The following SSTR5 variants were observed in gnomAD, a reference collection of about 807,000 sequenced individuals.
SSTR5 encodes the protein somatostatin receptor type 5.
SSTR5 carries 1 observed loss-of-function variant against 0.3 expected under a neutral mutation model. That is an observed-to-expected ratio of 2.98 (90% CI 1.06 to 14.15). The LOEUF (loss-of-function observed/expected upper bound fraction) is 14.15. Among genes scored for constraint, SSTR5 ranks in the 30% most tolerant of loss-of-function variants. The pLI, the probability that SSTR5 is intolerant of heterozygous loss-of-function variation, is 0.12. For synonymous variants in SSTR5, 256 were observed against 263.1 expected (o/e 0.97, Z 0.26); for missense variants, 516 against 543.2 (o/e 0.95, Z 0.50).
chr16:1,075,275 G>C (rs542842226), intron 1 of SSTR5, among the ~76,000 whole-genome samples: 3 of 152,322 alleles, frequency 2.0e-5, no homozygotes, highest in Admixed American at 2.0e-4. Flanking sequence ...GGACCTGGCA[G>C]CCTGTGGAGC....
Position 1,079,524 on chromosome 16 carries a change from T to C in SSTR5, c.656T>C (p.Leu219Pro). 6.2e-7 allele frequency: 1 copy of C among 1,612,162 alleles called. No homozygotes were observed. Among genetic ancestry groups the C allele is most frequent in the Non-Finnish European group, 8.5e-7 (1 of 1,179,512 alleles). ...TTCGCGCCGCTGCTGGTCATCTGCC[T>C]GTGCTACCTGCTCATCGTGGTGAAG... ...GFFAPLLVICLCYLLIVVKVR... is the reference protein window; with the variant it reads ...GFFAPLLVICPCYLLIVVKVR... The change falls in exon 2 of 2, where the codon CTG becomes CCG. Residue 219 changes from leucine (L) to proline (P), a missense_variant. Leu to Pro is a moderately conservative substitution (Grantham distance 98). Transcript: ENST00000689027.
rs1230818124 is a variant in SSTR5, at chr16:1,080,526, T to TGTAAGGGATGCAGGTGTAAG, written c.*565_*566insAAGGGATGCAGGTGTAAGGT. Reference sequence around the variant, plus strand: ...TCTGGGGATGCAGGTGTAAGGGGAGTGTGGCTGGGCAGCCCCTGGTCAGCC... The same window carrying TGTAAGGGATGCAGGTGTAAG: ...TCTGGGGATGCAGGTGTAAGGGGAGTGTAAGGGATGCAGGTGTAAGGTGGCTGGGCAGCCCCTGGTCAGCC... On this transcript the variant is annotated 3_prime_UTR_variant, in exon 2 of 2. Coordinates refer to ENST00000689027, the MANE Select transcript of SSTR5 (RefSeq NM_001172560.3). Among the ~76,000 whole-genome samples the TGTAAGGGATGCAGGTGTAAG allele has an allele frequency of 2.0e-5, 3 of 151,880 alleles. No individual in the cohort carries two copies.
chr16:1,079,620 T>C lies in SSTR5; in HGVS notation c.752T>C (p.Leu251Ser), dbSNP rs34474910. ...GAGCGGAAGGTGACGCGCATGGTGT[T>C]GGTGGTGGTGCTGGTGTTTGCGGGA... is the stretch of plus-strand genomic sequence containing the variant. ...RSERKVTRMV[L>S]VVVLVFAGCW... is the part of the protein sequence containing the mutation. Residue 251 changes from leucine to serine, a missense_variant, in exon 2 of 2, where the codon TTG (leucine) becomes TCG (serine). Coordinates refer to ENST00000689027, the MANE Select transcript of SSTR5 (RefSeq NM_001172560.3). 1.3e-3 allele frequency: 2,172 copies of C among 1,612,230 alleles called. 49 individuals are homozygous for C. In the East Asian group the frequency reaches 0.04, roughly 30 times the overall value.
chr16:1,075,356 C>T (rs776081951), intron 1 of SSTR5, among the ~76,000 whole-genome samples: 7 of 152,094 alleles, frequency 4.6e-5, no homozygotes, highest in Non-Finnish European at 8.8e-5. Flanking sequence ...TAAGAAGCTA[C>T]AAAGACAGGG....
chr16:1,079,255 C>T lies in SSTR5; in HGVS notation c.387C>T (p.Cys129=). 2 of 1,612,362 alleles carry T rather than the reference C, an allele frequency of 1.2e-6. No homozygotes were observed. The highest frequency in any genetic ancestry group is 2.2e-5 in the South Asian group (2 of 91,080). ...DGVNQFTSVF[C]LTVMSVDRYL... ...TCAACCAGTTCACCAGTGTCTTCTG[C>T]CTGACAGTCATGAGCGTGGACCGCT... The change falls in exon 2 of 2, where the codon TGC becomes TGT. Residue 129 remains cysteine (C), a synonymous_variant. Transcript: ENST00000689027.
rs1960374333 is a variant in SSTR5, at chr16:1,081,253, C to A, written c.*1290C>A. The A allele has an allele frequency of 2.5e-6, 1 of 398,112 alleles. No homozygotes were observed. The highest frequency in any genetic ancestry group is 7.5e-5 in the East Asian group (1 of 13,422). 24.7% of individuals were successfully genotyped at this position (398,112 alleles called of 1,614,324 possible). A position where few individuals can be genotyped will look rare whatever the true frequency, so the allele number is the denominator to read the frequency against. ...GGCCTCAGGGACCCCTCTGCCCTGC[C>A]CAGCACTGGCCCCGACCCGTGCTCC... is the stretch of plus-strand genomic sequence containing the variant. On this transcript the variant is annotated 3_prime_UTR_variant, in exon 2 of 2. Transcript: ENST00000689027.
At chr16:1,077,711 C>T (rs1960241952) in intron 1 of SSTR5, 2 of 152,264 alleles carry the variant, frequency 1.3e-5, no homozygotes, top group African/African-American at 4.8e-5. Flanking sequence ...AGGCTTGAGC[C>T]ACTGCACCCA....
chr16:1,075,054 C>T (rs1257753419), intron 1 of SSTR5, among the ~76,000 whole-genome samples: 2 of 152,168 alleles, frequency 1.3e-5, no homozygotes, highest in African/African-American at 4.8e-5. Context: ...CTGGCTCCCC[C>T]TCCAGTGAAT....
Position 1,080,754 on chromosome 16 carries a change from G to C in SSTR5, c.*791G>C, listed in dbSNP as rs767887428. On this transcript the variant is annotated 3_prime_UTR_variant, in exon 2 of 2. Coordinates refer to ENST00000689027, the MANE Select transcript of SSTR5 (RefSeq NM_001172560.3). ...GGCTGCAGCCCTCCAGGCTGCTGGG[G>C]GTGCAGATGGCTGTGCCGTGCTGAG... Among the ~76,000 whole-genome samples, 5 of 152,190 alleles carry C rather than the reference G, an allele frequency of 3.3e-5. No homozygotes were observed. The highest frequency in any genetic ancestry group is 4.8e-5 in the African/African-American group (2 of 41,432).
intron 1 of SSTR5, among the ~76,000 whole-genome samples, chr16:1,076,429 C>T (rs1057421396): frequency 3.4e-5 from 5 of 149,220 alleles, no homozygotes; most frequent in Non-Finnish European, 7.4e-5. Flanking sequence ...TGTGGGAATC[C>T]GTCCTGTCTC....
At chr16:1,075,964 C>A (rs1596235068) in intron 1 of SSTR5, among the ~76,000 whole-genome samples, 1 of 17,506 alleles carries the variant, frequency 5.7e-5, no homozygotes, top group Non-Finnish European at 1.1e-4. Flanking sequence ...CCCACCTCCC[C>A]CTCTCTCTCC....
At chr16:1,074,891 A>G (rs764236024) in intron 1 of SSTR5, among the ~76,000 whole-genome samples, 1 of 152,192 alleles carries the variant, frequency 6.6e-6, no homozygotes, top group Non-Finnish European at 1.5e-5. Flanking sequence ...GGAGTTGCCT[A>G]TCCCAGAAGC....
Position 1,078,875 on chromosome 16 carries a change from C to G in SSTR5, c.7C>G (p.Pro3Ala). 1 of 1,605,698 alleles carries G rather than the reference C, an allele frequency of 6.2e-7. No individual in the cohort carries two copies. Among genetic ancestry groups the G allele is most frequent in the Non-Finnish European group, 8.5e-7 (1 of 1,179,338 alleles). The change falls in exon 2 of 2, where the codon CCC becomes GCC. Residue 3 changes from proline to alanine, a missense_variant. Transcript: ENST00000689027. ME[P>A]LFPASTPSWN... ...GCACCCCAGGGCTGCCGCCATGGAG[C>G]CCCTGTTCCCAGCCTCCACGCCCAG...
Position 1,079,709 on chromosome 16 carries a change from G to A in SSTR5, c.841G>A (p.Ala281Thr), listed in dbSNP as rs753188838. ...NLAVALPQEP[A>T]SAGLYFFVVI... ...GGCCGTGGCGCTGCCCCAGGAGCCC[G>A]CCTCCGCCGGCCTCTACTTCTTCGT... The change falls in exon 2 of 2, where the codon GCC (alanine) becomes ACC (threonine). Residue 281 changes from alanine (A) to threonine (T), a missense_variant. By Grantham distance (58) the Ala-to-Thr change is moderately conservative (BLOSUM62 0). Coordinates refer to ENST00000689027, the MANE Select transcript of SSTR5 (RefSeq NM_001172560.3). 1.7e-5 allele frequency: 27 copies of A among 1,611,728 alleles called. No individual in the cohort carries two copies. The highest frequency in any genetic ancestry group is 3.3e-5 in the South Asian group (3 of 91,082).
rs73494036 is a variant in SSTR5 at position 1,081,207 on chromosome 16, G to A, written c.*1244G>A. On this transcript the variant is annotated 3_prime_UTR_variant, in exon 2 of 2. Transcript: ENST00000689027. ...CTTGCTCTGAGGCTGGAAGGAGAAG[G>A]ACCAGGGTGCGGCATCACTCGGCCT... The A allele has an allele frequency of 8.3e-3, 3,774 of 454,694 alleles. 110 individuals carry two copies. The highest frequency in any genetic ancestry group is 0.068 in the African/African-American group (3,369 of 49,490). 28.2% of individuals were successfully genotyped at this position (454,694 alleles called of 1,614,324 possible).
chr16:1,080,067 T>C lies in SSTR5; in HGVS notation c.*104T>C. The C allele has an allele frequency of 7.0e-7, 1 of 1,427,908 alleles. No homozygotes were observed. The highest frequency in any genetic ancestry group is 9.3e-7 in the Non-Finnish European group (1 of 1,071,928). 88.5% of individuals were successfully genotyped at this position (1,427,908 alleles called of 1,614,324 possible). A position where few individuals can be genotyped will look rare whatever the true frequency, so the allele number is the denominator to read the frequency against. ...TGCCAGTCAGGATGCTCCCCGGCGG[T>C]GGTGTGAGGACAGAGCTGGCTGAAG... is the stretch of plus-strand genomic sequence containing the variant. On this transcript the variant is annotated 3_prime_UTR_variant, in exon 2 of 2. Transcript: ENST00000689027.
At chr16:1,074,120 G>T (rs1472047570) in intron 1 of SSTR5, among the ~76,000 whole-genome samples, 2 of 152,198 alleles carry the variant, frequency 1.3e-5, no homozygotes, top group African/African-American at 4.8e-5. Flanking sequence ...CCCCAAGGGG[G>T]CAGTGGCCTG....
chr16:1,074,701 G>A (rs918209256), intron 1 of SSTR5, among the ~76,000 whole-genome samples: 1 of 152,244 alleles, frequency 6.6e-6, no homozygotes, highest in Non-Finnish European at 1.5e-5. Flanking sequence ...GCAGACTGGG[G>A]CCATCTGGGT....
chr16:1,079,123 C>T lies in SSTR5; in HGVS notation c.255C>T (p.Ala85=), dbSNP rs1218691069. The stretch of plus-strand genomic sequence containing the variant: ...TCTACATTCTCAACCTGGCAGTGGC[C>T]GACGTCCTGTACATGCTGGGGCTGC... The part of the protein sequence containing the change: ...TNIYILNLAV[A]DVLYMLGLPF... Residue 85 remains alanine, a synonymous_variant, in exon 2 of 2, where the codon GCC becomes GCT. Transcript: ENST00000689027. 1.2e-6 allele frequency: 2 copies of T among 1,612,706 alleles called. No homozygotes were observed. Among genetic ancestry groups the T allele is most frequent in the African/African-American group, 2.7e-5 (2 of 75,050 alleles).
Sources: allele counts gnomAD v4.1 joint callset (sites outside exome capture counted in the v4.1 genomes callset), GRCh38; gene constraint gnomAD v4.1.1; transcripts MANE v1.5; gene names NCBI Gene and HGNC (gene_info 2026-07-23, HGNC 2026-07-21).